SPTBN5: variants seen among roughly 807,000 people sequenced by gnomAD.
The protein encoded by SPTBN5 is spectrin beta chain, non-erythrocytic 5.
Under a neutral mutation model 477.6 loss-of-function variants are expected in SPTBN5, and 513 were observed. The ratio of observed to expected loss-of-function variants is 1.07; its 90% confidence interval spans 1.00 to 1.16. The LOEUF (loss-of-function observed/expected upper bound fraction) is 1.16. SPTBN5 is among the 50% of genes most tolerant of loss of function. The pLI, the probability that SPTBN5 is intolerant of heterozygous loss-of-function variation, is 0.00. For missense variants in SPTBN5, 5,062 were observed against 4,731.8 expected (o/e 1.07, Z -2.05); for synonymous variants, 2,169 against 2,011.7 (o/e 1.08, Z -2.09).
At chr15:41,849,806 A>T in intron 67 of SPTBN5, 63 bp downstream of exon 67, 1 of 1,292,866 alleles carries the variant, frequency 7.7e-7, no homozygotes, top group South Asian at 1.3e-5. Context: ...TTCAGAGGAC[A>T]GCGCCTGCCA....
At chr15:41,874,526 C>A (rs767259389) in intron 23 of SPTBN5, 48 bp from the exon 24 acceptor site, 1 of 1,469,936 alleles carries the variant, frequency 6.8e-7, no homozygotes, top group Admixed American at 2.3e-5. Context: ...AGAGTGAGCA[C>A]AAGGCTCCTG....
In SPTBN5 at chr15:41,892,994, T is replaced by C; in HGVS notation, c.284A>G (p.Glu95Gly). Residue 95 changes from glutamate (E) to glycine (G), a missense_variant, in exon 3 of 68, where the codon GAG becomes GGG. Coordinates refer to ENST00000320955, the MANE Select transcript of SPTBN5 (RefSeq NM_016642.4). ...ADGIHLLRLL[E>G]LISGEALPPP... ...TGGCAGGGCCTCCCCTGAGATGAGC[T>C]CCAGCAGCCGCAGGAGGTGGATGCC... 1 of 1,610,108 alleles carries C rather than the reference T, an allele frequency of 6.2e-7. No homozygotes were observed. Among genetic ancestry groups the C allele is most frequent in the South Asian group, 1.1e-5 (1 of 91,066 alleles).
Position 41,860,748 on chromosome 15 carries a change from GC to G in SPTBN5, c.7825del (p.Ala2609ProfsTer54). 6.3e-7 allele frequency: 1 copy of G among 1,589,046 alleles called. No homozygotes were observed. Among genetic ancestry groups the G allele is most frequent in the African/African-American group, 1.3e-5 (1 of 74,310 alleles). ...LASEGLWDPL[A>X]PMEPLLWKHK... ...CTTCCACAGAAGGGGCTCCATGGGG[GC>G]CAAGGGGTCCTGGTGGGAGTGGGGA... On this transcript the variant is annotated frameshift_variant, in exon 47 of 68. Coordinates refer to ENST00000320955, the MANE Select transcript of SPTBN5 (RefSeq NM_016642.4). LOFTEE classifies it high-confidence loss of function.
chr15:41,869,304 G>C (rs1398738046), intron 32 of SPTBN5, among the ~76,000 whole-genome samples: 1 of 152,186 alleles, frequency 6.6e-6, no homozygotes, highest in Non-Finnish European at 1.5e-5. Context: ...TGGGCCTCCT[G>C]GTCTGCCAGG....
intron 49 of SPTBN5, among the ~76,000 whole-genome samples, 189 bp downstream of exon 49, chr15:41,858,413 C>A (rs1289101310): frequency 2.0e-5 from 3 of 152,226 alleles, no homozygotes; most frequent in South Asian, 2.1e-4. Context: ...GGGTGCCCCC[C>A]CTGCCCGCCG....
At chr15:41,880,043 C>T in intron 14 of SPTBN5, 117 bp downstream of exon 14, 1 of 1,429,868 alleles carries the variant, frequency 7.0e-7, no homozygotes, top group Non-Finnish European at 9.3e-7. Flanking sequence ...CAGGCCAGCT[C>T]TCTGCTCCCC....
At chr15:41,869,760 G>A (rs1465023281) in intron 32 of SPTBN5, 81 bp downstream of exon 32, 1 of 1,323,544 alleles carries the variant, frequency 7.6e-7, no homozygotes. Flanking sequence ...CGGAGCTGGA[G>A]GGCCTCATGC....
intron 49 of SPTBN5, 95 bp downstream of exon 49, chr15:41,858,507 G>A: frequency 1.4e-6 from 2 of 1,417,676 alleles, no homozygotes; most frequent in South Asian, 1.4e-5. Context: ...GATAACGCTG[G>A]CCACCGTTAC....
chr15:41,893,690 T>C (rs1301064060), intron 1 of SPTBN5, 144 bp from the exon 2 acceptor site: 1 of 1,048,916 alleles, frequency 9.5e-7, no homozygotes, highest in African/African-American at 1.6e-5. Context: ...GTGCTTCTGG[T>C]CCCCTGTGCT....
intron 4 of SPTBN5, 146 bp from the exon 5 acceptor site, chr15:41,888,231 A>T: frequency 1.2e-6 from 1 of 817,198 alleles, no homozygotes; most frequent in Non-Finnish European, 1.9e-6. Context: ...TCTTCAGAGT[A>T]TCTGATTTTG....
At chr15:41,868,028 G>A (rs758192354) in intron 34 of SPTBN5, 41 bp downstream of exon 34, 73 of 1,563,806 alleles carry the variant, frequency 4.7e-5, no homozygotes, top group Middle Eastern at 2.3e-4. Context: ...GAAAGGAGGA[G>A]CAGGAGGCTG....
chr15:41,882,509 C>G (rs1308491390), intron 10 of SPTBN5, 40 bp from the exon 11 acceptor site: 3 of 1,567,536 alleles, frequency 1.9e-6, no homozygotes, highest in Non-Finnish European at 2.6e-6. Flanking sequence ...GAAGGCAGAA[C>G]AGGGGAGGGG....
intron 35 of SPTBN5, 130 bp from the exon 36 acceptor site, chr15:41,867,256 T>C: frequency 8.9e-7 from 1 of 1,126,872 alleles, no homozygotes; most frequent in South Asian, 1.6e-5. Flanking sequence ...GAGGGGTATC[T>C]GATCCTCCCA....
At chr15:41,866,761 C>T (rs1020537239) in intron 36 of SPTBN5, among the ~76,000 whole-genome samples, 198 bp downstream of exon 36, 4 of 152,172 alleles carry the variant, frequency 2.6e-5, no homozygotes, top group Admixed American at 6.5e-5. Context: ...CTTGCCCTGG[C>T]GCTGCTAGAG....
chr15:41,875,570 G>A lies in SPTBN5; in HGVS notation c.4175C>T (p.Thr1392Ile). The change falls in exon 22 of 68, where the codon ACC becomes ATC. Residue 1392 changes from threonine to isoleucine, a missense_variant. Thr to Ile is a moderately conservative substitution (Grantham distance 89). Transcript: ENST00000320955. ...CTTGCTTCTCAGGCCTTGAAGCCTG[G>A]TCTGTATGTCCTCCTGGCCACAGGG... The part of the protein sequence containing the change: ...RRPCGQEDIQ[T>I]RLQGLRSKWE... The A allele has an allele frequency of 6.2e-7, 1 of 1,607,504 alleles. No homozygotes were observed. Among genetic ancestry groups the A allele is most frequent in the Non-Finnish European group, 8.5e-7 (1 of 1,177,100 alleles).
intron 3 of SPTBN5, among the ~76,000 whole-genome samples, chr15:41,891,433 T>G (rs1276717714): frequency 6.6e-6 from 1 of 152,180 alleles, no homozygotes. Flanking sequence ...TCACCTTGGC[T>G]TAGAGTTGGA....
Position 41,855,390 on chromosome 15 carries a change from G to A in SPTBN5, c.9257C>T (p.Ala3086Val), listed in dbSNP as rs1470492075. ...CGCCCTCCGCAGCAGCTCTGCGTGG[G>A]CCTCCCGAACTGCCTGCAGCTGGGC... ...VLAQLQAVRE[A>V]HAELLRRAEA... Residue 3086 changes from alanine to valine, a missense_variant, in exon 55 of 68, where the codon GCC becomes GTC. Coordinates refer to ENST00000320955, the MANE Select transcript of SPTBN5 (RefSeq NM_016642.4). 3.1e-6 allele frequency: 5 copies of A among 1,604,318 alleles called. No homozygotes were observed. The highest frequency in any genetic ancestry group is 4.2e-6 in the Non-Finnish European group (5 of 1,179,226).
At position 41,858,932 on chromosome 15, in the gene SPTBN5, C is replaced by T. The variant is rs780576580; in HGVS notation, c.8037G>A (p.Glu2679=). The change falls in exon 48 of 68, where the codon GAG becomes GAA. Residue 2679 remains glutamate, a synonymous_variant. Transcript: ENST00000320955. The part of the protein sequence containing the change: ...RQAGTRRHRL[E]ELRQLQAFLQ... ...GGAAGGCCTGCAGCTGCCGGAGCTC[C>T]TCCAGGCGATGGCGGCGGGTCCCGG... 3 of 1,596,190 alleles carry T rather than the reference C, an allele frequency of 1.9e-6. No individual in the cohort carries two copies. In the South Asian group the frequency reaches 3.4e-5, roughly 18 times the overall value.
chr15:41,856,737 C>A, intron 52 of SPTBN5, 116 bp downstream of exon 52: 1 of 1,345,558 alleles, frequency 7.4e-7, no homozygotes, highest in South Asian at 1.5e-5. Flanking sequence ...GAATCCAGGG[C>A]ATCCCAAAAG....
Sources: gnomAD v4.1 joint callset for allele counts (sites outside exome capture counted in the v4.1 genomes callset) on GRCh38, gnomAD v4.1.1 for gene constraint, MANE v1.5 for transcripts, NCBI Gene and HGNC (gene_info 2026-07-23, HGNC 2026-07-21) for gene names.